The following ST7 variants were observed in gnomAD, a reference collection of about 807,000 sequenced individuals.
ST7 encodes suppressor of tumorigenicity 7 protein.
Under a neutral mutation model 78.7 loss-of-function variants are expected in ST7, and 28 were observed. That is an observed-to-expected ratio of 0.36 (90% confidence interval 0.26 to 0.49). The LOEUF (loss-of-function observed/expected upper bound fraction) is 0.49. Ranked by LOEUF, ST7 falls within the 20% of genes least tolerant of loss-of-function variation. The probability of loss-of-function intolerance (pLI) is 0.99; values close to 1 mark genes in which losing one functional copy is unlikely to be tolerated. For synonymous variants in ST7, 247 were observed against 249.6 expected, an observed-to-expected ratio of 0.99 and a Z score of 0.10; for missense variants, 418 against 696.0, an observed-to-expected ratio of 0.60 and a Z score of 4.49.
chr7:117,039,613 A>T (rs1797101647), intron 1 of ST7, among the ~76,000 whole-genome samples: 1 of 152,140 alleles, frequency 6.6e-6, no homozygotes, highest in African/African-American at 2.4e-5. Flanking sequence ...CCAAACTCTG[A>T]ATTTGTAAAG....
At chr7:117,070,253 A>G (rs1271881717) in intron 1 of ST7, among the ~76,000 whole-genome samples, 1 of 152,256 alleles carries the variant, frequency 6.6e-6, no homozygotes, top group Non-Finnish European at 1.5e-5. Flanking sequence ...AGTGAGTTCA[A>G]GACCTGGTTC....
At chr7:116,990,033 C>T (rs1036000932) in intron 1 of ST7, among the ~76,000 whole-genome samples, 13 of 152,084 alleles carry the variant, frequency 8.5e-5, no homozygotes, top group South Asian at 2.1e-4. Flanking sequence ...CTCTGCCTCC[C>T]GGGTTCAAGT....
intron 1 of ST7, among the ~76,000 whole-genome samples, chr7:117,068,748 G>A (rs1432608926): frequency 6.6e-6 from 1 of 152,214 alleles, no homozygotes; most frequent in Non-Finnish European, 1.5e-5. Flanking sequence ...GTAATTGCTT[G>A]GGTTACATTA....
intron 1 of ST7, chr7:117,020,533 TCTC>T (rs1795840118): frequency 6.5e-7 from 1 of 1,532,484 alleles, no homozygotes; most frequent in Non-Finnish European, 8.8e-7. Context: ...ACATGTACAC[TCTC>T]CTCGCTTTTC....
At position 116,957,847 on chromosome 7, in the gene ST7, T is replaced by A. The variant is rs1792591926; in HGVS notation, c.151+4156T>A. 3.3e-5 allele frequency among the ~76,000 whole-genome samples: 5 copies of A among 152,396 alleles called. 1 individual carries two copies. The highest frequency in any genetic ancestry group is 2.6e-4 in the Admixed American group (4 of 15,310). On this transcript the variant is annotated intron_variant, in intron 1 of 15. Transcript: ENST00000323984. ...CACCTTTTCCTAAAACGGGCAACTT[T>A]GCTGTTTTTGCAAAAAGCAGCATAA...
intron 1 of ST7, among the ~76,000 whole-genome samples, chr7:117,066,764 CAAAAAAAAAA>C (rs35246518): frequency 4.0e-5 from 3 of 74,736 alleles, no homozygotes; most frequent in African/African-American, 1.8e-4. Flanking sequence ...GACTCCGTCT[CAAAAAAAAAA>C]AAAAAAAAAA....
chr7:117,128,869 G>T (rs756683250), intron 3 of ST7, among the ~76,000 whole-genome samples: 12 of 151,832 alleles, frequency 7.9e-5, no homozygotes, highest in Non-Finnish European at 1.5e-4. Flanking sequence ...TACATATGTT[G>T]TTGGATGTGG....
At chr7:117,193,150 T>TACACACACACAC (rs137866535) in intron 12 of ST7, among the ~76,000 whole-genome samples, 2,739 of 144,944 alleles carry the variant, frequency 0.019, 36 homozygotes, top group East Asian at 0.054. Flanking sequence ...CTTTAGCAGA[T>TACACACACACAC]ACACACACAC....
intron 14 of ST7, among the ~76,000 whole-genome samples, chr7:117,220,981 G>A (rs925975925): frequency 2.6e-5 from 4 of 152,068 alleles, no homozygotes; most frequent in Non-Finnish European, 4.4e-5. Flanking sequence ...GGACCATGGA[G>A]CCCTCTGGTC....
intron 1 of ST7, among the ~76,000 whole-genome samples, chr7:117,030,932 A>C (rs964123228): frequency 2.0e-5 from 3 of 152,216 alleles, no homozygotes; most frequent in Non-Finnish European, 4.4e-5. Flanking sequence ...ACATGGAATC[A>C]ACCTAAATGT....
chr7:117,015,150 G>A lies in ST7; in HGVS notation c.151+61459G>A, dbSNP rs143168712. On this transcript the variant is annotated intron_variant, in intron 1 of 15. Coordinates refer to ENST00000323984, the MANE Select transcript of ST7 (RefSeq NM_001369598.1). ...GTGCATCAGTTTATTCCTGAGTATTGTATGAATTTGTTTTATCCAAATTGT... is the reference window on the plus strand; with the variant it reads ...GTGCATCAGTTTATTCCTGAGTATTATATGAATTTGTTTTATCCAAATTGT... 690 of 434,134 alleles carry A rather than the reference G, an allele frequency of 1.6e-3. 1 individual carries two copies. The highest frequency in any genetic ancestry group is 0.011 in the Middle Eastern group (16 of 1,502). The allele number at this position is 434,134 out of a possible 1,614,324, so 26.9% of individuals were successfully genotyped here.
At chr7:117,162,438 C>T (rs1188024652) in intron 9 of ST7, among the ~76,000 whole-genome samples, 1 of 151,312 alleles carries the variant, frequency 6.6e-6, no homozygotes, top group African/African-American at 2.4e-5. Flanking sequence ...AAGTATACCC[C>T]ATTATCTGTT....
intron 13 of ST7, among the ~76,000 whole-genome samples, chr7:117,211,418 G>A (rs1792279902): frequency 6.6e-6 from 1 of 152,124 alleles, no homozygotes; most frequent in African/African-American, 2.4e-5. Context: ...CTATCAGAAA[G>A]GAAACACAAT....
intron 13 of ST7, among the ~76,000 whole-genome samples, chr7:117,215,908 C>G (rs142407138): frequency 6.6e-6 from 1 of 152,066 alleles, no homozygotes; most frequent in East Asian, 1.9e-4. Context: ...TCGGTTCCCT[C>G]TGTTACAAAT....
intron 1 of ST7, among the ~76,000 whole-genome samples, chr7:117,095,081 C>T (rs1584639920): frequency 6.6e-6 from 1 of 152,100 alleles, no homozygotes; most frequent in South Asian, 2.1e-4. Context: ...CTCCTTCATT[C>T]GAAGACTTCC....
rs1463233589 is a variant in ST7, at chr7:116,972,024, AG to A, written c.151+18337del. 89 of 443,850 alleles carry A rather than the reference AG, an allele frequency of 2.0e-4. 2 individuals carry two copies. The highest frequency in any genetic ancestry group is 1.3e-3 in the South Asian group (67 of 52,530). The allele number at this position is 443,850 out of a possible 1,614,324, so 27.5% of individuals were successfully genotyped here. On this transcript the variant is annotated intron_variant, in intron 1 of 15. Coordinates refer to ENST00000323984, the MANE Select transcript of ST7 (RefSeq NM_001369598.1). Reference sequence around the variant, plus strand: ...AGAGACAGTTTGGGGAAAAAGACACAGGGGAGGAGCGGGAGGCAAAAGCGGA... The same window carrying A: ...AGAGACAGTTTGGGGAAAAAGACACAGGGAGGAGCGGGAGGCAAAAGCGGA...
intron 15 of ST7, among the ~76,000 whole-genome samples, chr7:117,229,216 C>T (rs988034884): frequency 2.0e-5 from 3 of 152,218 alleles, no homozygotes; most frequent in Non-Finnish European, 2.9e-5. Flanking sequence ...GCCGCCTTCT[C>T]CCAGGGTCCC....
intron 9 of ST7, among the ~76,000 whole-genome samples, chr7:117,155,551 G>A (rs542093832): frequency 7.9e-5 from 12 of 152,058 alleles, no homozygotes; most frequent in Non-Finnish European, 1.3e-4. Context: ...AGAAGTGGTT[G>A]GATTTGAGAT....
chr7:117,103,798 G>GA (rs1171388193), intron 2 of ST7, among the ~76,000 whole-genome samples: 5 of 152,266 alleles, frequency 3.3e-5, no homozygotes, highest in Admixed American at 1.3e-4. Flanking sequence ...ACAATAAAGT[G>GA]AAGAGACAAA....
Sources: allele counts gnomAD v4.1 joint callset (sites outside exome capture counted in the v4.1 genomes callset), GRCh38; gene constraint gnomAD v4.1.1; transcripts MANE v1.5; gene names NCBI Gene and HGNC (gene_info 2026-07-23, HGNC 2026-07-21).